Variants in MACF1 observed in about 807,000 individuals in gnomAD.
MACF1 encodes the protein microtubule actin crosslinking factor 1.
A neutral mutation model predicts 854.8 loss-of-function variants in MACF1; 193 were observed. That is an observed-to-expected ratio of 0.23 (90% confidence interval 0.20 to 0.25). The LOEUF (loss-of-function observed/expected upper bound fraction) is 0.25. Ranked by LOEUF, MACF1 falls within the 10% of genes least tolerant of loss-of-function variation. The pLI is 1.00. For synonymous variants in MACF1, 3,185 were observed against 3,226.7 expected (o/e 0.99, Z 0.44); for missense variants, 7,722 against 8,929.1 (o/e 0.86, Z 5.45).
intron 58 of MACF1, among the ~76,000 whole-genome samples, chr1:39,406,756 A>AAAAAAAAAAACAAAAAAAAC (rs746955922): frequency 8.6e-6 from 1 of 116,058 alleles, no homozygotes; most frequent in African/African-American, 3.8e-5. Flanking sequence ...AAAAAAAAAA[A>AAAAAAAAAAACAAAAAAAAC]AACATTCTTT....
chr1:39,261,716 C>T (rs1645165371), intron 6 of MACF1, among the ~76,000 whole-genome samples: 2 of 152,236 alleles, frequency 1.3e-5, no homozygotes, highest in South Asian at 4.1e-4. Flanking sequence ...AGTTGATAGA[C>T]ATTTGAGTGG....
rs749313997 is a variant in MACF1, at chr1:39,287,471, C to G, written c.1694C>G (p.Thr565Ser). ...SSTSWFRKPM[T>S]RAELVAISSS... ...ACCTCCTGGTTCCGAAAGCCTATGA[C>G]TCGGGCTGAACTTGTGGCCATCAGC... The change falls in exon 15 of 101, where the codon ACT (threonine) becomes AGT (serine). Residue 565 changes from threonine (T) to serine (S), a missense_variant. Transcript: ENST00000564288. The G allele has an allele frequency of 6.2e-7, 1 of 1,614,182 alleles. No homozygotes were observed. Among genetic ancestry groups the G allele is most frequent in the Admixed American group, 1.7e-5 (1 of 60,022 alleles).
At chr1:39,253,396 G>A (rs1451891440) in intron 4 of MACF1, among the ~76,000 whole-genome samples, 1 of 151,734 alleles carries the variant, frequency 6.6e-6, no homozygotes, top group Admixed American at 6.6e-5. Flanking sequence ...TGGCAGCTAT[G>A]TTCCTGGGAA....
chr1:39,370,937 G>A (rs1307474005), intron 51 of MACF1, among the ~76,000 whole-genome samples: 2 of 152,142 alleles, frequency 1.3e-5, no homozygotes, highest in African/African-American at 4.8e-5. Context: ...TTCATATGGT[G>A]TTCAACAGAT....
chr1:39,231,921 A>G (rs1181779034), intron 2 of MACF1, among the ~76,000 whole-genome samples: 1 of 151,682 alleles, frequency 6.6e-6, no homozygotes, highest in Admixed American at 6.6e-5. Flanking sequence ...AAGTGCATGA[A>G]TCTTAAATGT....
chr1:39,315,680 A>G lies in MACF1; in HGVS notation c.3438A>G (p.Val1146=), dbSNP rs1393743895. 1 of 1,613,784 alleles carries G rather than the reference A, an allele frequency of 6.2e-7. No individual in the cohort carries two copies. Among genetic ancestry groups the G allele is most frequent in the South Asian group, 1.1e-5 (1 of 90,992 alleles). ...KMDHVYGLST[V]YLNKLKTVDV... ...ACCATGTCTATGGTCTCTCTACTGT[A>G]TATCTGAATAAGTGAGTGAGCTGAG... Residue 1146 remains valine, a synonymous_variant, in exon 27 of 101, where the codon GTA becomes GTG. Transcript: ENST00000564288.
At chr1:39,454,838 G>GAA (rs946273712) in intron 88 of MACF1, 71 bp from the exon 89 acceptor site, 1 of 1,356,290 alleles carries the variant, frequency 7.4e-7, no homozygotes, top group African/African-American at 1.5e-5. Context: ...AAAATCAGAT[G>GAA]AAAAAGGGCT....
At chr1:39,202,403 A>C (rs994997623), upstream of MACF1, among the ~76,000 whole-genome samples, 12 of 151,560 alleles carry the variant, frequency 7.9e-5, no homozygotes, top group Non-Finnish European at 1.6e-4. Flanking sequence ...TTGGGAGGCC[A>C]AGGCAGTTGG....
At chr1:39,237,319 C>T (rs1264977047) in intron 2 of MACF1, among the ~76,000 whole-genome samples, 1 of 152,196 alleles carries the variant, frequency 6.6e-6, no homozygotes, top group Non-Finnish European at 1.5e-5. Context: ...GTATTTCATA[C>T]TGCCTTGAAG....
At chr1:39,228,226 G>T (rs569425660) in intron 1 of MACF1, among the ~76,000 whole-genome samples, 9 of 152,084 alleles carry the variant, frequency 5.9e-5, no homozygotes, top group Non-Finnish European at 1.0e-4. Flanking sequence ...CAGGAGAATC[G>T]CTGGAACCCA....
At chr1:39,168,454 C>T (rs71642677) in intron 2 of MACF1, among the ~76,000 whole-genome samples, 32,574 of 152,084 alleles carry the variant, frequency 0.21, 4,143 homozygotes, top group Non-Finnish European at 0.28. Flanking sequence ...AGAACATGGG[C>T]TTTGGATCCA....
At chr1:39,372,431 A>C in intron 51 of MACF1, 48 bp from the exon 52 acceptor site, 1 of 1,060,460 alleles carries the variant, frequency 9.4e-7, no homozygotes, top group African/African-American at 1.6e-5. Flanking sequence ...CCTACTTATG[A>C]GGAAAAAGCC....
intron 2 of MACF1, among the ~76,000 whole-genome samples, chr1:39,132,733 TGA>T (rs1364300237): frequency 6.6e-6 from 1 of 152,136 alleles, no homozygotes; most frequent in East Asian, 1.9e-4. Context: ...AGGAGACACT[TGA>T]TGACTATAAA....
chr1:39,113,307 AG>A (rs1249505666), intron 2 of MACF1, among the ~76,000 whole-genome samples: 4 of 152,260 alleles, frequency 2.6e-5, no homozygotes, highest in East Asian at 3.9e-4. Flanking sequence ...CTGACTAAAA[AG>A]CACAGAAAAA....
At chr1:39,208,300 G>GT (rs1644476551) in intron 1 of MACF1, among the ~76,000 whole-genome samples, 2 of 151,990 alleles carry the variant, frequency 1.3e-5, no homozygotes, top group Admixed American at 1.3e-4. Flanking sequence ...GTCCTTTAGG[G>GT]TAAGTAGTTA....
chr1:39,485,841 C>A lies in MACF1; in HGVS notation c.*47C>A. The A allele has an allele frequency of 6.6e-7, 1 of 1,517,624 alleles. No homozygotes were observed. Among genetic ancestry groups the A allele is most frequent in the South Asian group, 1.3e-5 (1 of 76,724 alleles). The allele number at this position is 1,517,624 out of a possible 1,614,324, so 94.0% of individuals were successfully genotyped here. On this transcript the variant is annotated 3_prime_UTR_variant, in exon 101 of 101. Coordinates refer to ENST00000564288, the MANE Select transcript of MACF1 (RefSeq NM_001394062.1). ...CCACTATCCACTTTGAATCCTGCTC[C>A]ATACATTGGGTGTATATTTATTCTG...
intron 91 of MACF1, among the ~76,000 whole-genome samples, chr1:39,459,569 A>G (rs1167224062): frequency 6.6e-6 from 1 of 152,196 alleles, no homozygotes; most frequent in Non-Finnish European, 1.5e-5. Context: ...AACTTTGGAA[A>G]TTTATCTCCA....
chr1:39,315,598 C>T lies in MACF1; in HGVS notation c.3356C>T (p.Ser1119Phe). The change falls in exon 27 of 101, where the codon TCT (serine) becomes TTT (phenylalanine). Residue 1119 changes from serine (S) to phenylalanine (F), a missense_variant. Around this residue, in one of 15 missense-constraint regions of MACF1, gnomAD observed 1,137 missense variants for 1,263.0 expected, o/e 0.90. Coordinates refer to ENST00000564288, the MANE Select transcript of MACF1 (RefSeq NM_001394062.1). The stretch of plus-strand genomic sequence containing the variant: ...GACAGCTTTCTCCATCAGTCTCCAT[C>T]TAGTTCAAGTGTCCCAACTCTGCGC... ...KCDSFLHQSPSSSSVPTLRSE... is the reference protein window; with the variant it reads ...KCDSFLHQSPFSSSVPTLRSE... The T allele has an allele frequency of 2.5e-6, 4 of 1,614,128 alleles. No homozygotes were observed. Among genetic ancestry groups the T allele is most frequent in the Non-Finnish European group, 3.4e-6 (4 of 1,180,012 alleles).
At chr1:39,317,448 G>A (rs959981253) in intron 29 of MACF1, 41 bp downstream of exon 29, 3 of 1,586,988 alleles carry the variant, frequency 1.9e-6, no homozygotes, top group Admixed American at 1.8e-5. Flanking sequence ...TAGAGTTCAG[G>A]GACTAGGTCT....
Sources: gnomAD v4.1 joint callset for allele counts (sites outside exome capture counted in the v4.1 genomes callset) on GRCh38, gnomAD v4.1.1 for gene constraint, gnomAD v4.1.1 regional missense constraint, MANE v1.5 for transcripts, NCBI Gene and HGNC (gene_info 2026-07-23, HGNC 2026-07-21) for gene names.